Variants in ATE1 observed in about 807,000 individuals in gnomAD.
ATE1 encodes arginyl-tRNA--protein transferase 1.
A neutral mutation model predicts 70.5 loss-of-function variants in ATE1; 36 were observed. The observed-to-expected ratio is 0.51, with a 90% CI of 0.39 to 0.67. The LOEUF (loss-of-function observed/expected upper bound fraction) is 0.67. ATE1 is among the 30% of genes least tolerant of loss of function. ATE1 has a pLI of 0.00. For missense variants in ATE1, 593 were observed against 629.5 expected (o/e 0.94, Z 0.62); for synonymous variants, 232 against 219.3 (o/e 1.06, Z -0.51).
intron 2 of ATE1, 52 bp from the exon 3 acceptor site, chr10:121,922,463 C>T (rs953599804): frequency 1.8e-6 from 2 of 1,098,564 alleles, no homozygotes; most frequent in African/African-American, 3.1e-5. Flanking sequence ...TCACTTGCAC[C>T]AAAACAGCCT....
At chr10:121,869,012 T>G (rs758164164) in intron 8 of ATE1, among the ~76,000 whole-genome samples, 1 of 152,078 alleles carries the variant, frequency 6.6e-6, no homozygotes, top group Non-Finnish European at 1.5e-5. Flanking sequence ...TGGGAAAGCA[T>G]AAAATGAAAT....
intron 11 of ATE1, among the ~76,000 whole-genome samples, chr10:121,745,344 C>T (rs2088705720): frequency 6.6e-6 from 1 of 152,068 alleles, no homozygotes; most frequent in Admixed American, 6.6e-5. Context: ...GCCTGGATCC[C>T]CTCCCCGGAG....
intron 11 of ATE1, among the ~76,000 whole-genome samples, chr10:121,750,619 T>C (rs956587033): frequency 7.9e-6 from 1 of 126,664 alleles, no homozygotes; most frequent in Non-Finnish European, 1.8e-5. Context: ...ATCAAAGCTT[T>C]ACTTCTCCTT....
chr10:121,849,748 G>A (rs7089503), intron 8 of ATE1, among the ~76,000 whole-genome samples: 137,108 of 152,122 alleles, frequency 0.9, 61,929 homozygotes, highest in Middle Eastern at 0.96. Context: ...CAACAGGTAC[G>A]TGGCAGCTGT....
chr10:121,826,516 C>G (rs1391441583), intron 10 of ATE1, among the ~76,000 whole-genome samples: 2 of 152,170 alleles, frequency 1.3e-5, no homozygotes, highest in African/African-American at 2.4e-5. Flanking sequence ...CCATGTTGGC[C>G]AGGATGGTCT....
intron 7 of ATE1, among the ~76,000 whole-genome samples, chr10:121,871,045 G>A (rs1424213202): frequency 1.3e-5 from 2 of 152,120 alleles, no homozygotes; most frequent in Non-Finnish European, 2.9e-5. Context: ...CAAATAACTT[G>A]TATTCTCTTT....
At chr10:121,841,767 G>A (rs1191215218) in intron 8 of ATE1, among the ~76,000 whole-genome samples, 1 of 152,132 alleles carries the variant, frequency 6.6e-6, no homozygotes, top group African/African-American at 2.4e-5. Flanking sequence ...GACTTAGACG[G>A]AAGGGCAAGA....
chr10:121,745,542 C>T (rs547626200), intron 11 of ATE1, among the ~76,000 whole-genome samples: 1 of 152,098 alleles, frequency 6.6e-6, no homozygotes, highest in South Asian at 2.1e-4. Flanking sequence ...CGGTGAAACC[C>T]CGTCTCTACT....
At chr10:121,776,450 C>T (rs1030884923) in intron 11 of ATE1, among the ~76,000 whole-genome samples, 1 of 152,122 alleles carries the variant, frequency 6.6e-6, no homozygotes, top group Non-Finnish European at 1.5e-5. Flanking sequence ...TAGCAAAATG[C>T]TCTGACCAAT....
At chr10:121,848,329 T>C (rs995461078) in intron 8 of ATE1, among the ~76,000 whole-genome samples, 2 of 151,550 alleles carry the variant, frequency 1.3e-5, no homozygotes, top group Non-Finnish European at 2.9e-5. Flanking sequence ...AAAAAACTTA[T>C]TTATCGGCTG....
chr10:121,759,389 A>T (rs921991062), intron 11 of ATE1, among the ~76,000 whole-genome samples: 11 of 152,216 alleles, frequency 7.2e-5, no homozygotes, highest in African/African-American at 2.7e-4. Context: ...GGAGAGATTG[A>T]TTCATGAGGT....
intron 8 of ATE1, among the ~76,000 whole-genome samples, chr10:121,844,717 T>C (rs574534621): frequency 6.6e-6 from 1 of 152,298 alleles, no homozygotes; most frequent in South Asian, 2.1e-4. Flanking sequence ...GGATAAACTA[T>C]GGTACATCCA....
intron 8 of ATE1, among the ~76,000 whole-genome samples, chr10:121,862,948 T>TA (rs36016884): frequency 0.29 from 44,636 of 151,618 alleles, 7,095 homozygotes; most frequent in South Asian, 0.43. Flanking sequence ...TAAAGGGGGG[T>TA]ATACATATAG....
In ATE1 at chr10:121,902,435, A is replaced by C; in HGVS notation, c.769T>G (p.Leu257Val). 1 of 1,614,218 alleles carries C rather than the reference A, an allele frequency of 6.2e-7. No individual in the cohort carries two copies. The highest frequency in any genetic ancestry group is 8.5e-7 in the Non-Finnish European group (1 of 1,180,042). Residue 257 changes from leucine (L) to valine (V), a missense_variant, in exon 6 of 12, where the codon TTA (leucine) becomes GTA (valine). Leu to Val is a conservative substitution (Grantham distance 32, BLOSUM62 1). This residue lies in a region of ATE1 where 467 missense variants were observed against 469.6 expected (regional missense o/e 0.99). Coordinates refer to ENST00000224652, the MANE Select transcript of ATE1 (RefSeq NM_001001976.3). ...TTCTCTGGTAAAGACTCAAAAATTA[A>C]ATCTTCGAGTGATTTTGGCTGGTTG... ...KSNQPKSLED[L>V]IFESLPENAS...
At chr10:121,897,777 G>T (rs547065292) in intron 7 of ATE1, among the ~76,000 whole-genome samples, 2 of 148,234 alleles carry the variant, frequency 1.3e-5, no homozygotes, top group East Asian at 4.0e-4. Context: ...AGTGAGCAGA[G>T]ATTGCGCCAC....
At chr10:121,792,453 T>C (rs910857209) in intron 10 of ATE1, among the ~76,000 whole-genome samples, 1 of 152,042 alleles carries the variant, frequency 6.6e-6, no homozygotes, top group East Asian at 1.9e-4. Context: ...TTTCCTGGAG[T>C]GCTCACTGCA....
At chr10:121,760,773 T>C (rs910221311) in intron 11 of ATE1, among the ~76,000 whole-genome samples, 20 of 152,228 alleles carry the variant, frequency 1.3e-4, no homozygotes, top group Non-Finnish European at 2.4e-4. Flanking sequence ...GAAGTTCTAC[T>C]GCTATCAAAC....
At chr10:121,908,776 C>T (rs774601101) in intron 5 of ATE1, among the ~76,000 whole-genome samples, 59 of 152,204 alleles carry the variant, frequency 3.9e-4, no homozygotes, top group African/African-American at 1.3e-3. Context: ...CTGATTAAGA[C>T]TTGCCCCCCT....
chr10:121,786,855 T>C (rs1946236397), intron 11 of ATE1, among the ~76,000 whole-genome samples: 2 of 152,110 alleles, frequency 1.3e-5, no homozygotes. Context: ...GATATGTGTA[T>C]ATATATATGT....
Sources: allele counts gnomAD v4.1 joint callset (sites outside exome capture counted in the v4.1 genomes callset), GRCh38; gene constraint gnomAD v4.1.1; regional missense constraint gnomAD v4.1.1; transcripts MANE v1.5; gene names NCBI Gene and HGNC (gene_info 2026-07-23, HGNC 2026-07-21).